The following MDGA2 variants were observed in gnomAD, a reference collection of about 807,000 sequenced individuals.
MDGA2 encodes MAM domain containing glycosylphosphatidylinositol anchor 2.
MDGA2 carries 40 observed loss-of-function variants against 117.8 expected under a neutral mutation model. That is an observed-to-expected ratio of 0.34 (90% confidence interval 0.26 to 0.44). The LOEUF (loss-of-function observed/expected upper bound fraction) is 0.44. MDGA2 is among the 20% of genes least tolerant of loss of function. The pLI, the probability that MDGA2 is intolerant of heterozygous loss-of-function variation, is 1.00. For synonymous variants in MDGA2, 452 were observed against 439.0 expected (o/e 1.03, Z -0.37); for missense variants, 1,123 against 1,250.6 (o/e 0.90, Z 1.54).
chr14:47,525,285 A>AG (rs1894949005), intron 1 of MDGA2, among the ~76,000 whole-genome samples: 1 of 152,186 alleles, frequency 6.6e-6, no homozygotes. Flanking sequence ...TCTGGTTTCC[A>AG]GGTCCAGTCT....
chr14:47,034,962 C>T, intron 8 of MDGA2, 49 bp downstream of exon 8: 1 of 1,516,874 alleles, frequency 6.6e-7, no homozygotes, highest in Non-Finnish European at 9.0e-7. Flanking sequence ...AATGGTAACA[C>T]TTCTTCCCTT....
chr14:47,649,546 A>G (rs118148708), intron 1 of MDGA2, among the ~76,000 whole-genome samples: 1 of 152,070 alleles, frequency 6.6e-6, no homozygotes, highest in Non-Finnish European at 1.5e-5. Flanking sequence ...TTACCTGAGC[A>G]TGGAGACACG....
chr14:47,585,262 C>T (rs989932320), intron 1 of MDGA2, among the ~76,000 whole-genome samples: 1 of 151,720 alleles, frequency 6.6e-6, no homozygotes, highest in African/African-American at 2.4e-5. Flanking sequence ...CTGCCTTTTC[C>T]CCAACTCTCC....
chr14:47,350,584 T>C (rs1218989419), intron 1 of MDGA2, among the ~76,000 whole-genome samples: 2 of 152,246 alleles, frequency 1.3e-5, no homozygotes, highest in African/African-American at 2.4e-5. Context: ...CGTGTGTGTG[T>C]GTGCGCGCAC....
intron 1 of MDGA2, among the ~76,000 whole-genome samples, chr14:47,497,185 A>C (rs1178436730): frequency 6.6e-6 from 1 of 152,124 alleles, no homozygotes; most frequent in East Asian, 1.9e-4. Context: ...CAGGTTATTT[A>C]TGTTCATAAA....
At chr14:47,603,020 C>T (rs1026249904) in intron 1 of MDGA2, among the ~76,000 whole-genome samples, 2 of 152,048 alleles carry the variant, frequency 1.3e-5, no homozygotes, top group South Asian at 2.1e-4. Flanking sequence ...CCAGTTGTTG[C>T]CCACACAAAG....
intron 3 of MDGA2, among the ~76,000 whole-genome samples, chr14:47,195,681 A>G (rs1885265125): frequency 6.6e-6 from 1 of 151,962 alleles, no homozygotes; most frequent in South Asian, 2.1e-4. Context: ...TGCTATTGCA[A>G]CAGAGATTTA....
At chr14:47,522,836 C>T (rs898966237) in intron 1 of MDGA2, among the ~76,000 whole-genome samples, 23 of 152,122 alleles carry the variant, frequency 1.5e-4, no homozygotes, top group Admixed American at 3.9e-4. Context: ...TTGACACTTT[C>T]GGGTAATCTC....
chr14:47,130,086 CTTTAG>C (rs1882127294), intron 5 of MDGA2, among the ~76,000 whole-genome samples: 1 of 151,788 alleles, frequency 6.6e-6, no homozygotes, highest in African/African-American at 2.4e-5. Flanking sequence ...TGCAGAAGCT[CTTTAG>C]TTTAATTAGA....
At chr14:47,595,058 TGATATACACGTGCTTATCTA>T (rs1227304722) in intron 1 of MDGA2, among the ~76,000 whole-genome samples, 5 of 152,198 alleles carry the variant, frequency 3.3e-5, no homozygotes, top group Admixed American at 6.5e-5. Flanking sequence ...AATCCCAGAC[TGATATACACGTGCTTATCTA>T]GAACAAAGCC....
At chr14:47,662,244 T>C (rs557473451) in intron 1 of MDGA2, among the ~76,000 whole-genome samples, 3 of 152,286 alleles carry the variant, frequency 2.0e-5, no homozygotes, top group South Asian at 2.1e-4. Context: ...TACTATTCCA[T>C]GCATTTTTTG....
At chr14:47,517,246 T>C (rs1479967128) in intron 1 of MDGA2, among the ~76,000 whole-genome samples, 1 of 151,908 alleles carries the variant, frequency 6.6e-6, no homozygotes, top group East Asian at 1.9e-4. Context: ...AATGTGGGAG[T>C]CTTTTGATGA....
chr14:47,629,951 C>T (rs1897222789), intron 1 of MDGA2, among the ~76,000 whole-genome samples: 1 of 152,078 alleles, frequency 6.6e-6, no homozygotes, highest in African/African-American at 2.4e-5. Flanking sequence ...AATAAGCACC[C>T]AGGTGATACT....
chr14:47,389,620 A>C (rs144025120), intron 1 of MDGA2, among the ~76,000 whole-genome samples: 18 of 76,002 alleles, frequency 2.4e-4, no homozygotes, highest in South Asian at 2.1e-3. Context: ...ACACACACAC[A>C]CACACACACA....
chr14:47,550,181 T>C (rs994674225), intron 1 of MDGA2, among the ~76,000 whole-genome samples: 1 of 152,210 alleles, frequency 6.6e-6, no homozygotes, highest in African/African-American at 2.4e-5. Flanking sequence ...GAGCTAATGA[T>C]TCACACTCCC....
At chr14:47,615,904 T>C (rs1272843357) in intron 1 of MDGA2, among the ~76,000 whole-genome samples, 2 of 152,194 alleles carry the variant, frequency 1.3e-5, no homozygotes, top group Admixed American at 6.5e-5. Flanking sequence ...TGGAACAATC[T>C]GAGCCTGAGC....
rs577254365 is a variant in MDGA2 at position 47,362,264 on chromosome 14, T to C, written c.281-60714A>G. 5.3e-5 allele frequency among the ~76,000 whole-genome samples: 8 copies of C among 152,240 alleles called. No homozygotes were observed. In the South Asian group the frequency reaches 1.2e-3, roughly 24 times the overall value. On this transcript the variant is annotated intron_variant, in intron 1 of 16. Coordinates refer to ENST00000399232, the MANE Select transcript of MDGA2 (RefSeq NM_001113498.3). ...CCCTTTGTTTCAAAGAAGACTCCTCTCCACATACATATTAAAATGAAGTTA... is the reference window on the plus strand; with the variant it reads ...CCCTTTGTTTCAAAGAAGACTCCTCCCCACATACATATTAAAATGAAGTTA...
chr14:47,555,009 T>C (rs1334375770), intron 1 of MDGA2, among the ~76,000 whole-genome samples: 2 of 152,134 alleles, frequency 1.3e-5, no homozygotes, highest in Admixed American at 6.5e-5. Flanking sequence ...AATCCTGAGT[T>C]GTGGCCTATA....
intron 10 of MDGA2, among the ~76,000 whole-genome samples, chr14:46,888,949 A>G (rs1882771877): frequency 6.6e-6 from 1 of 152,016 alleles, no homozygotes; most frequent in African/African-American, 2.4e-5. Context: ...AATAGCTGAC[A>G]TTAAAAATCC....
Sources: gnomAD v4.1 joint callset for allele counts (sites outside exome capture counted in the v4.1 genomes callset) on GRCh38, gnomAD v4.1.1 for gene constraint, MANE v1.5 for transcripts, NCBI Gene and HGNC (gene_info 2026-07-23, HGNC 2026-07-21) for gene names.